The following UNC5A variants were observed in gnomAD, a reference collection of about 807,000 sequenced individuals.
UNC5A encodes the protein unc-5 netrin receptor A.
UNC5A carries 20 observed loss-of-function variants against 87.4 expected under a neutral mutation model. The ratio of observed to expected loss-of-function variants is 0.23; its 90% confidence interval spans 0.16 to 0.33. UNC5A has a LOEUF of 0.33. UNC5A is among the 10% of genes least tolerant of loss of function. UNC5A has a pLI of 1.00. For synonymous variants in UNC5A, 438 were observed against 482.3 expected (o/e 0.91, Z 1.20); for missense variants, 844 against 1,133.4 (o/e 0.74, Z 3.67).
Position 176,870,452 on chromosome 5 carries a change from C to A in UNC5A, c.804C>A (p.Asp268Glu), listed in dbSNP as rs1758081641. 2 of 1,611,756 alleles carry A rather than the reference C, an allele frequency of 1.2e-6. No individual in the cohort carries two copies. Among genetic ancestry groups the A allele is most frequent in the African/African-American group, 2.7e-5 (2 of 74,866 alleles). Residue 268 changes from aspartate (D) to glutamate (E), a missense_variant, in exon 6 of 15, where the codon GAC becomes GAA. Coordinates refer to ENST00000329542, the MANE Select transcript of UNC5A (RefSeq NM_133369.3). ...ACTGGCGGAGCCGTGAGTGCTCTGA[C>A]CCAGCACCCCGCAACGGAGGGGAGG... Reference protein sequence around the residue: ...CTHWRSRECSDPAPRNGGEEC... With the variant: ...CTHWRSRECSEPAPRNGGEEC...
intron 9 of UNC5A, 27 bp from the exon 10 acceptor site, chr5:176,877,508 C>G (rs1235121603): frequency 1.3e-6 from 2 of 1,563,450 alleles, no homozygotes; most frequent in South Asian, 1.2e-5. Context: ...ACACCTTTCC[C>G]TCCCCACCCA....
chr5:176,848,412 G>C lies in UNC5A; in HGVS notation c.71-14212G>C, dbSNP rs2113632155. Among the ~76,000 whole-genome samples, 1 of 152,252 alleles carries C rather than the reference G, an allele frequency of 6.6e-6. No individual in the cohort carries two copies. The highest frequency in any genetic ancestry group is 1.9e-4 in the East Asian group (1 of 5,180). ...TCCTCCATGTTCCTCCAAGACCCTA[G>C]AGCCCATTAAAGGGGCAGGAAAGAT... On this transcript the variant is annotated intron_variant, in intron 1 of 14. Transcript: ENST00000329542. The surrounding 1 kb of genome is among the most constrained non-coding windows in gnomAD (Gnocchi z 5.8).
At chr5:176,879,131 C>T (rs535710708) in intron 13 of UNC5A, among the ~76,000 whole-genome samples, 179 bp from the exon 14 acceptor site, 1 of 152,118 alleles carries the variant, frequency 6.6e-6, no homozygotes, top group East Asian at 1.9e-4. Flanking sequence ...TTGGGCAGGT[C>T]GCTGCACCTC....
In UNC5A at chr5:176,879,400, A is replaced by G. The variant is rs778690546; in HGVS notation, c.2275A>G (p.Ile759Val). The G allele has an allele frequency of 6.2e-7, 1 of 1,612,898 alleles. No homozygotes were observed. The highest frequency in any genetic ancestry group is 8.5e-7 in the Non-Finnish European group (1 of 1,179,878). Residue 759 changes from isoleucine to valine, a missense_variant, in exon 14 of 15, where the codon ATT (isoleucine) becomes GTT (valine). This residue lies in a region of UNC5A where 177 missense variants were observed against 279.4 expected (regional missense o/e 0.63). Coordinates refer to ENST00000329542, the MANE Select transcript of UNC5A (RefSeq NM_133369.3). Reference sequence around the variant, plus strand: ...CAGTGCCTTCAAGATCCCCTTCCTCATTCGGCAGAAGATAATTTCCAGCCT... The same window carrying G: ...CAGTGCCTTCAAGATCCCCTTCCTCGTTCGGCAGAAGATAATTTCCAGCCT... The part of the protein sequence containing the change: ...GPSAFKIPFL[I>V]RQKIISSLDP...
chr5:176,816,967 G>A (rs979411409), intron 1 of UNC5A, among the ~76,000 whole-genome samples: 6 of 152,230 alleles, frequency 3.9e-5, no homozygotes, highest in Admixed American at 2.6e-4. Flanking sequence ...AGGGCAGGTG[G>A]TCCTTGACTG....
Position 176,868,189 on chromosome 5 carries a change from G to A in UNC5A, c.352G>A (p.Gly118Arg), listed in dbSNP as rs1228167410. 17 of 1,613,682 alleles carry A rather than the reference G, an allele frequency of 1.1e-5. No homozygotes were observed. Among genetic ancestry groups the A allele is most frequent in the African/African-American group, 1.3e-5 (1 of 74,996 alleles). The change falls in exon 3 of 15, where the codon GGG (glycine) becomes AGG (arginine). Residue 118 changes from glycine to arginine, a missense_variant. Physicochemically the swap from Gly to Arg is moderately radical, Grantham distance 125. Coordinates refer to ENST00000329542, the MANE Select transcript of UNC5A (RefSeq NM_133369.3). ...AAGGCAGCAGGTCGAGAAGGTGTTC[G>A]GGCTGGAGGAATACTGGTGCCAGTG... ...VSRQQVEKVFGLEEYWCQCVA... is the reference protein window; with the variant it reads ...VSRQQVEKVFRLEEYWCQCVA...
chr5:176,853,479 C>G (rs965473769), intron 1 of UNC5A, among the ~76,000 whole-genome samples: 1 of 152,202 alleles, frequency 6.6e-6, no homozygotes. Context: ...CTCCTGTGTC[C>G]GTCCTTGTGA....
intron 1 of UNC5A, among the ~76,000 whole-genome samples, chr5:176,830,888 A>C (rs1284099579): frequency 2.8e-5 from 1 of 35,240 alleles, no homozygotes; most frequent in Non-Finnish European, 6.9e-5. Context: ...GTGTGGGTGT[A>C]TGTGCTGGCG....
chr5:176,858,772 A>AAGGAAGGAAGGCAGGC (rs1304121118), intron 1 of UNC5A, among the ~76,000 whole-genome samples: 33 of 140,222 alleles, frequency 2.4e-4, no homozygotes, highest in Middle Eastern at 3.5e-3. Context: ...GGAAGGAAGG[A>AAGGAAGGAAGGCAGGC]AGGCAAGCAA....
chr5:176,833,753 G>A (rs1249351909), intron 1 of UNC5A, among the ~76,000 whole-genome samples: 1 of 148,388 alleles, frequency 6.7e-6, no homozygotes, highest in Non-Finnish European at 1.5e-5. Flanking sequence ...TCTGTCGCCA[G>A]GCTGGAGTGC....
intron 1 of UNC5A, among the ~76,000 whole-genome samples, chr5:176,845,980 G>A (rs1757393964): frequency 6.6e-6 from 1 of 152,248 alleles, no homozygotes; most frequent in Non-Finnish European, 1.5e-5. Flanking sequence ...ACAGTGGCCT[G>A]TGGCATCTGA....
chr5:176,879,209 C>A, intron 13 of UNC5A, 101 bp from the exon 14 acceptor site: 1 of 1,397,834 alleles, frequency 7.2e-7, no homozygotes, highest in Admixed American at 2.3e-5. Flanking sequence ...CATGCCGCCC[C>A]CATGCTCTGG....
intron 1 of UNC5A, among the ~76,000 whole-genome samples, chr5:176,835,123 G>T (rs551070747): frequency 6.6e-6 from 1 of 152,386 alleles, no homozygotes; most frequent in South Asian, 2.1e-4. Flanking sequence ...TGGCCTCAGG[G>T]TGGCTTCTTA....
At chr5:176,851,677 A>AGGGGAGGGGAGCATGG (rs1757547133) in intron 1 of UNC5A, among the ~76,000 whole-genome samples, 2 of 152,096 alleles carry the variant, frequency 1.3e-5, no homozygotes, top group East Asian at 3.9e-4. Flanking sequence ...GCCCCCGGAG[A>AGGGGAGGGGAGCATGG]GGGGAGGGGA....
rs1757476155 is a variant in UNC5A, at chr5:176,848,880, G to A, written c.71-13744G>A. 6.6e-6 allele frequency among the ~76,000 whole-genome samples: 1 copy of A among 152,232 alleles called. No individual in the cohort carries two copies. The highest frequency in any genetic ancestry group is 1.5e-5 in the Non-Finnish European group (1 of 68,038). Reference sequence around the variant, plus strand: ...GAAGGGACAGTGCCCTCAGGCCTCAGCTGAGAGGACACCTGGTGCTGACAG... The same window carrying A: ...GAAGGGACAGTGCCCTCAGGCCTCAACTGAGAGGACACCTGGTGCTGACAG... On this transcript the variant is annotated intron_variant, in intron 1 of 14. Transcript: ENST00000329542. This position sits in a 1 kb window ranked among gnomAD's most constrained non-coding sequence, Gnocchi z 5.8.
At chr5:176,821,428 T>G (rs191221928) in intron 1 of UNC5A, among the ~76,000 whole-genome samples, 52 of 152,294 alleles carry the variant, frequency 3.4e-4, no homozygotes, top group African/African-American at 1.2e-3. Flanking sequence ...CAAGACCTCT[T>G]TCCTTTCAGA....
At chr5:176,847,606 C>A (rs1194669645) in intron 1 of UNC5A, among the ~76,000 whole-genome samples, 1 of 152,112 alleles carries the variant, frequency 6.6e-6, no homozygotes, top group South Asian at 2.1e-4. Context: ...CCCAATTACC[C>A]GTTTAGCTGC....
chr5:176,816,777 T>C (rs530478778), intron 1 of UNC5A, among the ~76,000 whole-genome samples: 63 of 152,334 alleles, frequency 4.1e-4, no homozygotes, highest in African/African-American at 1.4e-3. Context: ...ACGTTAGCAA[T>C]GATGATGCCA....
intron 1 of UNC5A, among the ~76,000 whole-genome samples, chr5:176,822,197 G>T (rs186231329): frequency 8.5e-5 from 13 of 152,384 alleles, no homozygotes; most frequent in Admixed American, 2.6e-4. Context: ...CACAGTAAAT[G>T]CTCTGCAGGT....
Sources: allele counts gnomAD v4.1 joint callset (sites outside exome capture counted in the v4.1 genomes callset), GRCh38; gene constraint gnomAD v4.1.1; regional missense constraint gnomAD v4.1.1; non-coding constraint Gnocchi (gnomAD v3.1); transcripts MANE v1.5; gene names NCBI Gene and HGNC (gene_info 2026-07-23, HGNC 2026-07-21).